Variants in HACE1 observed in about 807,000 individuals in gnomAD.
HACE1 encodes the protein HECT domain and ankyrin repeat containing E3 ubiquitin protein ligase 1.
In HACE1, 73 loss-of-function variants were observed where a neutral mutation model predicts 118.4. The ratio of observed to expected loss-of-function variants is 0.62; its 90% confidence interval spans 0.51 to 0.75. The LOEUF is 0.75. HACE1 is among the 30% of genes least tolerant of loss of function. The probability of loss-of-function intolerance (pLI) is 0.00; values close to 1 mark genes in which losing one functional copy is unlikely to be tolerated. For missense variants in HACE1, 749 were observed against 1,102.2 expected, an observed-to-expected ratio of 0.68 and a Z score of 4.54; for synonymous variants, 368 against 374.8, an observed-to-expected ratio of 0.98 and a Z score of 0.21.
chr6:104,735,563 G>A lies in HACE1; in HGVS notation c.2514-5147C>T, dbSNP rs186570604. Among the ~76,000 whole-genome samples the A allele has an allele frequency of 4.4e-3, 664 of 151,878 alleles. 5 individuals are homozygous for A. The highest frequency in any genetic ancestry group is 0.016 in the African/African-American group (644 of 41,448). On this transcript the variant is annotated intron_variant, in intron 22 of 23. Transcript: ENST00000262903. ...GGAGAATGGCGTGAACCCAGGAGGC[G>A]CAGCTTACAGTGAGCCGAGATGGCG...
intron 14 of HACE1, among the ~76,000 whole-genome samples, chr6:104,781,462 G>C (rs1169306704): frequency 2.0e-5 from 3 of 152,118 alleles, no homozygotes; most frequent in Non-Finnish European, 4.4e-5. Context: ...GAGAGACCAA[G>C]AGCTGGGTGC....
At chr6:104,806,904 T>C (rs1188137519) in intron 7 of HACE1, among the ~76,000 whole-genome samples, 1 of 152,044 alleles carries the variant, frequency 6.6e-6, no homozygotes, top group Non-Finnish European at 1.5e-5. Context: ...GAATTTGGCA[T>C]AAGTATAAAT....
intron 7 of HACE1, among the ~76,000 whole-genome samples, chr6:104,798,350 C>A (rs1220506283): frequency 6.6e-6 from 1 of 151,920 alleles, no homozygotes; most frequent in Non-Finnish European, 1.5e-5. Context: ...TTTCACAAAA[C>A]GGCACTGTAT....
chr6:104,850,622 T>C (rs531542541), intron 3 of HACE1, among the ~76,000 whole-genome samples: 5 of 152,308 alleles, frequency 3.3e-5, no homozygotes, highest in African/African-American at 9.6e-5. Context: ...AAAGAAAATT[T>C]TGGTGAACTG....
chr6:104,730,301 AC>A lies in HACE1; in HGVS notation c.2627+1del. 7.5e-7 allele frequency: 1 copy of A among 1,335,130 alleles called. No individual in the cohort carries two copies. The highest frequency in any genetic ancestry group is 1.1e-6 in the Non-Finnish European group (1 of 924,994). 82.7% of individuals were successfully genotyped at this position (1,335,130 alleles called of 1,614,324 possible). A position where few individuals can be genotyped will look rare whatever the true frequency, so the allele number is the denominator to read the frequency against. On this transcript the variant is annotated splice_donor_variant, in intron 23 of 23. Transcript: ENST00000262903. LOFTEE classifies it high-confidence loss of function. ...GCATTTAAATAAACCAAGTCAACAT[AC>A]CATGTGCTTGAAGTTGGTAAAAGAT...
At chr6:104,771,069 T>C in intron 19 of HACE1, 124 bp downstream of exon 19, 1 of 690,158 alleles carries the variant, frequency 1.4e-6, no homozygotes, top group Non-Finnish European at 2.6e-6. Flanking sequence ...ACTTAAACGT[T>C]TTATCTGCTA....
intron 4 of HACE1, among the ~76,000 whole-genome samples, chr6:104,847,923 G>C (rs913140856): frequency 6.6e-6 from 1 of 151,916 alleles, no homozygotes; most frequent in Admixed American, 6.5e-5. Context: ...GCACTCAAGC[G>C]ACTGTCATGC....
At chr6:104,858,659 A>G (rs559876792) in intron 1 of HACE1, 1 of 190,856 alleles carries the variant, frequency 5.2e-6, no homozygotes, top group East Asian at 1.8e-4. Flanking sequence ...GAGTTTTGAA[A>G]AAGTAAGATA....
chr6:104,818,664 C>T (rs896794222), intron 6 of HACE1, among the ~76,000 whole-genome samples: 2 of 152,022 alleles, frequency 1.3e-5, no homozygotes, highest in Non-Finnish European at 1.5e-5. Context: ...TCCAGCAGCA[C>T]ATCAAAAAGC....
Position 104,796,669 on chromosome 6 carries a change from G to A in HACE1, c.802C>T (p.Leu268Phe). The stretch of plus-strand genomic sequence containing the variant: ...AAATACAATACCATGTTTTCTCGGA[G>A]GTCTTCATTCTGTGTCATTTGAATA... ...TIIQMTQNED[L>F]RENMLRQVLE... The change falls in exon 9 of 24, where the codon CTC (leucine) becomes TTC (phenylalanine). Residue 268 changes from leucine (L) to phenylalanine (F), a missense_variant. Transcript: ENST00000262903. The A allele has an allele frequency of 6.6e-7, 1 of 1,506,506 alleles. No individual in the cohort carries two copies. Among genetic ancestry groups the A allele is most frequent in the Non-Finnish European group, 9.2e-7 (1 of 1,083,626 alleles). The allele number at this position is 1,506,506 out of a possible 1,614,324, so 93.3% of individuals were successfully genotyped here.
intron 19 of HACE1, among the ~76,000 whole-genome samples, chr6:104,752,548 G>A (rs936939881): frequency 1.6e-4 from 24 of 151,812 alleles, no homozygotes; most frequent in Non-Finnish European, 2.6e-4. Flanking sequence ...AAGAGGTTTT[G>A]GCTTTACCAT....
chr6:104,769,788 C>G (rs1780420132), intron 19 of HACE1, among the ~76,000 whole-genome samples: 1 of 152,080 alleles, frequency 6.6e-6, no homozygotes, highest in African/African-American at 2.4e-5. Flanking sequence ...TTTAAAATTT[C>G]TAAGTATGAA....
At chr6:104,771,527 G>T in intron 18 of HACE1, 138 bp from the exon 19 acceptor site, 1 of 624,678 alleles carries the variant, frequency 1.6e-6, no homozygotes, top group Non-Finnish European at 2.8e-6. Flanking sequence ...TATTTTAAAT[G>T]GATTCCTGAA....
rs367636983 is a variant in HACE1 at position 104,777,107 on chromosome 6, G to A, written c.1682C>T (p.Ser561Phe). Residue 561 changes from serine to phenylalanine, a missense_variant, in exon 16 of 24, where the codon TCT becomes TTT. This residue lies in a region of HACE1 where 195 missense variants were observed against 322.1 expected (regional missense o/e 0.61). Transcript: ENST00000262903. ...ENDILLVHRD[S>F]IFRSSCEVVS... ...AACTTCACAGCTACTCCTAAAAATA[G>A]AATCTAAATATGTAGCATTGGTTAA... 4 of 1,601,616 alleles carry A rather than the reference G, an allele frequency of 2.5e-6. No homozygotes were observed. In the Admixed American group the frequency reaches 6.7e-5, roughly 27 times the overall value.
intron 22 of HACE1, among the ~76,000 whole-genome samples, 156 bp downstream of exon 22, chr6:104,744,004 A>C (rs1158058870): frequency 6.6e-6 from 1 of 152,140 alleles, no homozygotes; most frequent in African/African-American, 2.4e-5. Context: ...CTTATCTTTA[A>C]TACCAAAATA....
At chr6:104,847,147 G>C (rs1223475371) in intron 4 of HACE1, among the ~76,000 whole-genome samples, 1 of 152,170 alleles carries the variant, frequency 6.6e-6, no homozygotes, top group Non-Finnish European at 1.5e-5. Context: ...AGAACATCCT[G>C]CCTTTCAAGT....
rs1044316044 is a variant in HACE1, at chr6:104,849,358, A to G, written c.222-112T>C. 45 of 763,028 alleles carry G rather than the reference A, an allele frequency of 5.9e-5. No homozygotes were observed. In the African/African-American group the frequency reaches 6.4e-4, roughly 11 times the overall value. The allele number at this position is 763,028 out of a possible 1,614,324, so 47.3% of individuals were successfully genotyped here. A position where few individuals can be genotyped will look rare whatever the true frequency, so the allele number is the denominator to read the frequency against. On this transcript the variant is annotated intron_variant, in intron 3 of 23. Transcript: ENST00000262903. ...AAACACAATTTTCTTTTTGTTTTTC[A>G]GACAGTCTTGCTCTGTCGCCCATGC... is the stretch of plus-strand genomic sequence containing the variant.
intron 11 of HACE1, chr6:104,786,613 AAAAAAAAC>A (rs1782436437): frequency 6.7e-6 from 1 of 149,224 alleles, no homozygotes; most frequent in East Asian, 2.0e-4. Context: ...CCAAAAAAAA[AAAAAAAAC>A]AAACAAACAA....
rs917991731 is a variant in HACE1, at chr6:104,811,267, T to C, written c.617+44A>G. ...TTATACATATATATATATATATATA[T>C]ATATATGAGCATATATAGCATCTGG... On this transcript the variant is annotated intron_variant, in intron 7 of 23. Coordinates refer to ENST00000262903, the MANE Select transcript of HACE1 (RefSeq NM_020771.4). The C allele has an allele frequency of 4.4e-5, 22 of 500,822 alleles. 1 individual carries two copies. The Admixed American group carries it at 5.3e-4, about 12-fold the overall frequency. The allele number at this position is 500,822 out of a possible 1,614,324, so 31.0% of individuals were successfully genotyped here. A position where few individuals can be genotyped will look rare whatever the true frequency, so the allele number is the denominator to read the frequency against.
Sources: gnomAD v4.1 joint callset for allele counts (sites outside exome capture counted in the v4.1 genomes callset) on GRCh38, gnomAD v4.1.1 for gene constraint, gnomAD v4.1.1 regional missense constraint, MANE v1.5 for transcripts, NCBI Gene and HGNC (gene_info 2026-07-23, HGNC 2026-07-21) for gene names.